CRYBG2: variants seen among roughly 807,000 people sequenced by gnomAD.
CRYBG2 encodes the protein crystallin beta-gamma domain containing 2, also known as beta/gamma crystallin domain-containing protein 2.
CRYBG2 carries 106 observed loss-of-function variants against 153.4 expected under a neutral mutation model. The observed-to-expected ratio is 0.69, with a 90% CI of 0.59 to 0.81. CRYBG2 has a LOEUF of 0.81. Ranked by LOEUF, CRYBG2 falls within the 30% of genes least tolerant of loss-of-function variation. The pLI is 0.00. For missense variants in CRYBG2, 1,996 were observed against 2,112.0 expected (o/e 0.95, Z 1.08); for synonymous variants, 851 against 877.8 (o/e 0.97, Z 0.54).
rs1291199573 is a variant in CRYBG2, at chr1:26,344,680, T to G, written c.1978A>C (p.Thr660Pro). ...GGGCCTTGAACAGTCTCTTCCTTGG[T>G]GAGGGGCGGGGCAAGGCTGCCTGCA... ...GIAGSLAPPL[T>P]KEETVQGPIA... The change falls in exon 2 of 20, where the codon ACC (threonine) becomes CCC (proline). Residue 660 changes from threonine (T) to proline (P), a missense_variant. Thr to Pro is a conservative substitution (Grantham distance 38). Transcript: ENST00000308182. 6 of 1,533,180 alleles carry G rather than the reference T, an allele frequency of 3.9e-6. No individual in the cohort carries two copies. Among genetic ancestry groups the G allele is most frequent in the Non-Finnish European group, 5.2e-6 (6 of 1,145,030 alleles). 95.0% of individuals were successfully genotyped at this position (1,533,180 alleles called of 1,614,324 possible).
intron 14 of CRYBG2, among the ~76,000 whole-genome samples, chr1:26,335,119 CAAAAA>C (rs34582852): frequency 6.8e-6 from 1 of 146,848 alleles, no homozygotes; most frequent in Admixed American, 6.8e-5. Context: ...AGATTTGGAG[CAAAAA>C]AAAAAAAAAA....
Position 26,346,642 on chromosome 1 carries a change from C to T in CRYBG2, c.16G>A (p.Gly6Arg), listed in dbSNP as rs1239464453. ...CGGGCCTTGGCCCGGGCCATGGGCC[C>T]ACCTGCCTCCTCCATGTGGGGCCCT... MEEAG[G>R]PMARAKARVV... Residue 6 changes from glycine to arginine, a missense_variant, in exon 2 of 20, where the codon GGG (glycine) becomes AGG (arginine). Coordinates refer to ENST00000308182, the MANE Select transcript of CRYBG2 (RefSeq NM_001039775.4). This position sits in a 1 kb window ranked among gnomAD's most constrained non-coding sequence, Gnocchi z 4.9. 2 of 1,544,960 alleles carry T rather than the reference C, an allele frequency of 1.3e-6. No individual in the cohort carries two copies. Among genetic ancestry groups the T allele is most frequent in the South Asian group, 1.2e-5 (1 of 84,132 alleles).
In CRYBG2 at chr1:26,342,773, G is replaced by A. The variant is rs1257507610; in HGVS notation, c.3185C>T (p.Ser1062Phe). ...ACTCACCCAGACAACCCTCCTTAGG[G>A]AGCCGATGCCTTGGGGACTCCACTT... is the stretch of plus-strand genomic sequence containing the variant. ...GTKWSPQGIG[S>F]LRRVVWDYST... Residue 1062 changes from serine (S) to phenylalanine (F), a missense_variant, in exon 5 of 20, where the codon TCC becomes TTC. By Grantham distance (155) the Ser-to-Phe change is radical. Transcript: ENST00000308182. 6.2e-7 allele frequency: 1 copy of A among 1,613,860 alleles called. No individual in the cohort carries two copies. Among genetic ancestry groups the A allele is most frequent in the Non-Finnish European group, 8.5e-7 (1 of 1,180,006 alleles).
At chr1:26,339,237 C>G in intron 6 of CRYBG2, 53 bp downstream of exon 6, 1 of 1,575,182 alleles carries the variant, frequency 6.3e-7, no homozygotes, top group Non-Finnish European at 8.6e-7. Flanking sequence ...GTGTCCCCAG[C>G]ACCCAGCACA....
rs79624651 is a variant in CRYBG2, at chr1:26,345,408, C to T, written c.1250G>A (p.Gly417Glu). ...TGTAGTGGATGGAGCAGGAGGTTGTCCAGGGACTGTCACATGCTCGCTCCT... is the reference window on the plus strand; with the variant it reads ...TGTAGTGGATGGAGCAGGAGGTTGTTCAGGGACTGTCACATGCTCGCTCCT... ...MVRSEHVTVP[G>E]QPPAPSTTRR... Residue 417 changes from glycine to glutamate, a missense_variant, in exon 2 of 20, where the codon GGA becomes GAA. By Grantham distance (98) the Gly-to-Glu change is moderately conservative. Transcript: ENST00000308182. 1,088 of 1,611,724 alleles carry T rather than the reference C, an allele frequency of 6.8e-4. 12 individuals carry two copies. The East Asian group carries it at 0.02, about 29-fold the overall frequency.
Position 26,324,132 on chromosome 1 carries a change from G to A in CRYBG2, c.4737+20C>T. 1.9e-6 allele frequency: 3 copies of A among 1,608,474 alleles called. No homozygotes were observed. The highest frequency in any genetic ancestry group is 2.5e-6 in the Non-Finnish European group (3 of 1,176,568). On this transcript the variant is annotated intron_variant, in intron 18 of 19. Transcript: ENST00000308182. The stretch of plus-strand genomic sequence containing the variant: ...ATGCCTAGGGCCAGGGTGTCCCTGT[G>A]CCAGCCCCTGTATCAGTACCTGGTT...
Position 26,345,594 on chromosome 1 carries a change from G to C in CRYBG2, c.1064C>G (p.Pro355Arg). Residue 355 changes from proline (P) to arginine (R), a missense_variant, in exon 2 of 20, where the codon CCC (proline) becomes CGC (arginine). Pro to Arg is a moderately radical substitution (Grantham distance 103, BLOSUM62 -2). Coordinates refer to ENST00000308182, the MANE Select transcript of CRYBG2 (RefSeq NM_001039775.4). ...AGAGGGGACATGGGTCTCGAGTCTG[G>C]GAGAGGAGGGGACTGATGCTTGACC... is the stretch of plus-strand genomic sequence containing the variant. ...SQGQASVPSS[P>R]RLETHVPSPG... 1 of 1,601,388 alleles carries C rather than the reference G, an allele frequency of 6.2e-7. No individual in the cohort carries two copies. The highest frequency in any genetic ancestry group is 8.5e-7 in the Non-Finnish European group (1 of 1,179,688).
rs1430293669 is a variant in CRYBG2, at chr1:26,344,036, C to T, written c.2622G>A (p.Glu874=). Residue 874 remains glutamate, a synonymous_variant, in exon 2 of 20, where the codon GAG becomes GAA. Transcript: ENST00000308182. The stretch of plus-strand genomic sequence containing the variant: ...TTCCTGCTACATGCTTCTTCATCAT[C>T]TCCAGAGGAGAGCAGGAGACCTGGG... ...RPTQVSCSPL[E]MMKKHVAGTK... 6.5e-7 allele frequency: 1 copy of T among 1,536,064 alleles called. No homozygotes were observed. The highest frequency in any genetic ancestry group is 8.7e-7 in the Non-Finnish European group (1 of 1,146,908).
chr1:26,324,404 C>G, intron 17 of CRYBG2, 94 bp from the exon 18 acceptor site: 1 of 1,330,086 alleles, frequency 7.5e-7, no homozygotes, highest in Non-Finnish European at 1.0e-6. Flanking sequence ...GTATCAGGCT[C>G]CCAAGCCCTC....
chr1:26,324,114 G>A, intron 18 of CRYBG2, 38 bp downstream of exon 18: 2 of 1,597,646 alleles, frequency 1.3e-6, no homozygotes, highest in Non-Finnish European at 1.7e-6. Flanking sequence ...CAAATGCCTA[G>A]GGCCAGGGTG....
Position 26,321,869 on chromosome 1 carries a change from TG to T in CRYBG2, c.*98del. ...CAAGGTGCACAGAGACAAGGGTACC[TG>T]GCAGCATATTAGAAAATAGCTTATG... is the stretch of plus-strand genomic sequence containing the variant. On this transcript the variant is annotated 3_prime_UTR_variant, in exon 20 of 20. Coordinates refer to ENST00000308182, the MANE Select transcript of CRYBG2 (RefSeq NM_001039775.4). 9.3e-7 allele frequency: 1 copy of T among 1,076,176 alleles called. No homozygotes were observed. Among genetic ancestry groups the T allele is most frequent in the Non-Finnish European group, 1.3e-6 (1 of 766,322 alleles). The allele number at this position is 1,076,176 out of a possible 1,614,324, so 66.7% of individuals were successfully genotyped here.
intron 1 of CRYBG2, among the ~76,000 whole-genome samples, chr1:26,348,836 G>A (rs1249875240): frequency 2.7e-5 from 4 of 150,562 alleles, no homozygotes; most frequent in Non-Finnish European, 4.4e-5. Context: ...GATTATAGAC[G>A]TGAGCCACTG....
chr1:26,345,989 G>A lies in CRYBG2; in HGVS notation c.669C>T (p.Gly223=). 1 of 1,593,718 alleles carries A rather than the reference G, an allele frequency of 6.3e-7. No individual in the cohort carries two copies. Among genetic ancestry groups the A allele is most frequent in the Non-Finnish European group, 8.5e-7 (1 of 1,177,388 alleles). The change falls in exon 2 of 20, where the codon GGC becomes GGT. Residue 223 remains glycine (G), a synonymous_variant. Transcript: ENST00000308182. ...TGCGGCTGGGCGAGCCTGGTGGGGA[G>A]CCCACCACCACTGGCGGCACCATGC... ...VSRMVPPVVV[G]SPPGSPSRSQ... is the part of the protein sequence containing the mutation.
chr1:26,344,556 T>C lies in CRYBG2; in HGVS notation c.2102A>G (p.Asp701Gly), dbSNP rs199647245. The change falls in exon 2 of 20, where the codon GAC becomes GGC. Residue 701 changes from aspartate (D) to glycine (G), a missense_variant. Physicochemically the swap from Asp to Gly is moderately conservative, Grantham distance 94. Transcript: ENST00000308182. The part of the protein sequence containing the change: ...SSLTQKEVVQ[D>G]PDALPAPSSS... ...AGATGGGGCAGGGAGAGCATCAGGG[T>C]CCTGCACAACCTCTTTCTGGGTGAG... 5,304 of 1,542,442 alleles carry C rather than the reference T, an allele frequency of 3.4e-3. 14 individuals carry two copies. Among genetic ancestry groups the C allele is most frequent in the Middle Eastern group, 5.8e-3 (35 of 5,990 alleles).
chr1:26,346,136 C>T lies in CRYBG2; in HGVS notation c.522G>A (p.Val174=). The T allele has an allele frequency of 1.3e-6, 2 of 1,559,756 alleles. No individual in the cohort carries two copies. The highest frequency in any genetic ancestry group is 2.3e-5 in the East Asian group (1 of 44,386). Residue 174 remains valine, a synonymous_variant, in exon 2 of 20, where the codon GTG becomes GTA. Coordinates refer to ENST00000308182, the MANE Select transcript of CRYBG2 (RefSeq NM_001039775.4). This position sits in a 1 kb window ranked among gnomAD's most constrained non-coding sequence, Gnocchi z 4.9. The stretch of plus-strand genomic sequence containing the variant: ...CTGTGGTGGTCCGCACAGTGCGTGT[C>T]ACTCGGTATTCCTCGAGGCTCCGGG... The part of the protein sequence containing the change: ...GSSRSLEEYR[V]TRTVRTTTVV...
chr1:26,344,975 G>C lies in CRYBG2; in HGVS notation c.1683C>G (p.Thr561=), dbSNP rs2074189328. ...CAGACCCCTGCACCACCTCCTTCTG[G>C]GTGGGGGATGAGGCAGCAGGAGCAC... The part of the protein sequence containing the change: ...GPGAPAASSP[T]QKEVVQGSGA... The change falls in exon 2 of 20, where the codon ACC becomes ACG. Residue 561 remains threonine, a synonymous_variant. Coordinates refer to ENST00000308182, the MANE Select transcript of CRYBG2 (RefSeq NM_001039775.4). 1.4e-5 allele frequency: 21 copies of C among 1,511,212 alleles called. No individual in the cohort carries two copies. In the East Asian group the frequency reaches 5.2e-4, roughly 37 times the overall value. The allele number at this position is 1,511,212 out of a possible 1,614,324, so 93.6% of individuals were successfully genotyped here.
intron 1 of CRYBG2, among the ~76,000 whole-genome samples, chr1:26,349,124 A>G (rs61105147): frequency 0.21 from 32,128 of 151,682 alleles, 3,524 homozygotes; most frequent in African/African-American, 0.23. Flanking sequence ...AGCTGAGATC[A>G]CGCCTCTGCA....
rs2074100573 is a variant in CRYBG2, at chr1:26,339,337, A to G, written c.3297T>C (p.Gly1099=). The change falls in exon 6 of 20, where the codon GGT becomes GGC. Residue 1099 remains glycine, a synonymous_variant. Transcript: ENST00000308182. Reference sequence around the variant, plus strand: ...ATGCCACCTGCAGGGGCTTCTCCAGACCCTGGGAATTCTTCAAGGCCTCTG... The same window carrying G: ...ATGCCACCTGCAGGGGCTTCTCCAGGCCCTGGGAATTCTTCAAGGCCTCTG... The part of the protein sequence containing the change: ...KLTEALKNSQ[G]LEKPLQVASA... The G allele has an allele frequency of 1.2e-6, 2 of 1,614,132 alleles. No homozygotes were observed. The highest frequency in any genetic ancestry group is 1.7e-6 in the Non-Finnish European group (2 of 1,180,012).
chr1:26,338,516 G>A (rs759866718), intron 6 of CRYBG2, 39 bp from the exon 7 acceptor site: 1 of 1,538,074 alleles, frequency 6.5e-7, no homozygotes, highest in Non-Finnish European at 8.7e-7. Context: ...CTAGCAGAGA[G>A]ACTTCAAGGG....
Sources: allele counts gnomAD v4.1 joint callset (sites outside exome capture counted in the v4.1 genomes callset), GRCh38; gene constraint gnomAD v4.1.1; non-coding constraint Gnocchi (gnomAD v3.1); transcripts MANE v1.5; gene names NCBI Gene and HGNC (gene_info 2026-07-23, HGNC 2026-07-21).